AP2A2: variants seen among roughly 807,000 people sequenced by gnomAD.
AP2A2 encodes adaptor related protein complex 2 subunit alpha 2, also known as AP-2 complex subunit alpha-2.
A neutral mutation model predicts 104.2 loss-of-function variants in AP2A2; 32 were observed. The ratio of observed to expected loss-of-function variants is 0.31; its 90% CI spans 0.23 to 0.41. The LOEUF (loss-of-function observed/expected upper bound fraction) is 0.41, where lower values mean the gene tolerates loss of function less well. Among genes scored for constraint, AP2A2 ranks in the 10% least tolerant of loss-of-function variants. AP2A2 has a pLI of 1.00. For synonymous variants in AP2A2, 539 were observed against 533.3 expected (o/e 1.01, Z -0.15); for missense variants, 912 against 1,261.0 (o/e 0.72, Z 4.19).
rs115958464 is a variant in AP2A2, at chr11:1,000,364, C to T, written c.1957-68C>T. The T allele has an allele frequency of 4.5e-3, 6,673 of 1,491,330 alleles. 235 individuals carry two copies. The African/African-American group carries it at 0.078, about 17-fold the overall frequency. 92.4% of individuals were successfully genotyped at this position (1,491,330 alleles called of 1,614,324 possible). The stretch of plus-strand genomic sequence containing the variant: ...GGTGCCATGGGGGAGGACGTGCAGG[C>T]GTGAGCTGCCTGGGGTTGGCCAGGC... On this transcript the variant is annotated intron_variant, in intron 14 of 21. Coordinates refer to ENST00000448903, the MANE Select transcript of AP2A2 (RefSeq NM_012305.4).
At chr11:998,323 A>ATTCTGACCC (rs1855922655) in intron 14 of AP2A2, among the ~76,000 whole-genome samples, 3 of 77,148 alleles carry the variant, frequency 3.9e-5, no homozygotes, top group South Asian at 4.9e-4. Flanking sequence ...TCTGACTCTC[A>ATTCTGACCC]CCCGCCCCCA....
chr11:983,473 C>T (rs1259460801), intron 6 of AP2A2, among the ~76,000 whole-genome samples: 1 of 151,968 alleles, frequency 6.6e-6, no homozygotes, highest in Non-Finnish European at 1.5e-5. Flanking sequence ...AGCTCCGCCT[C>T]CTGGGTTCAC....
chr11:1,001,981 G>A (rs1488131707), intron 15 of AP2A2, among the ~76,000 whole-genome samples: 1 of 152,202 alleles, frequency 6.6e-6, no homozygotes, highest in East Asian at 1.9e-4. Flanking sequence ...GCCTCAGGGC[G>A]AGCCGGCTGT....
At chr11:1,006,050 G>T (rs188091365) in intron 16 of AP2A2, among the ~76,000 whole-genome samples, 2 of 152,262 alleles carry the variant, frequency 1.3e-5, no homozygotes, top group African/African-American at 4.8e-5. Flanking sequence ...TGCTGGACGC[G>T]TGCCCAGCCG....
At chr11:981,176 T>G (rs1470503178) in intron 5 of AP2A2, 22 bp from the exon 6 acceptor site, 14 of 1,591,826 alleles carry the variant, frequency 8.8e-6, no homozygotes, top group Admixed American at 1.7e-5. Flanking sequence ...GTTCTGACTC[T>G]TGTGTGTGTG....
intron 1 of AP2A2, among the ~76,000 whole-genome samples, chr11:948,089 T>C (rs1853913258): frequency 6.6e-6 from 1 of 152,192 alleles, no homozygotes; most frequent in Non-Finnish European, 1.5e-5. Context: ...ATCATTAACC[T>C]GTGTTTCACC....
At position 955,041 on chromosome 11, in the gene AP2A2, A is replaced by C. The variant is rs7113063; in HGVS notation, c.68-4396A>C. Reference sequence around the variant, plus strand: ...GATCTGAGCTCTGTTGATTCTGGACAACATAAGTTCCCCCTCAGAGTGGTT... The same window carrying C: ...GATCTGAGCTCTGTTGATTCTGGACCACATAAGTTCCCCCTCAGAGTGGTT... On this transcript the variant is annotated intron_variant, in intron 1 of 21. Transcript: ENST00000448903. Among the ~76,000 whole-genome samples the C allele has an allele frequency of 7.9e-3, 1,200 of 152,332 alleles. 24 individuals are homozygous for C. The highest frequency in any genetic ancestry group is 0.028 in the African/African-American group (1,146 of 41,556).
In AP2A2 at chr11:984,769, C is replaced by T. The variant is rs534815957; in HGVS notation, c.814+16C>T. On this transcript the variant is annotated intron_variant, in intron 7 of 21. Coordinates refer to ENST00000448903, the MANE Select transcript of AP2A2 (RefSeq NM_012305.4). ...CCACCCCCAGGTAACGCGCAGGCCG[C>T]GGCTCCTGAAGCTGCACCAGTGCCA... 1.5e-4 allele frequency: 232 copies of T among 1,574,302 alleles called. 3 individuals are homozygous for T. In the South Asian group the frequency reaches 2.2e-3, roughly 15 times the overall value.
chr11:1,009,013 C>G, intron 18 of AP2A2, 87 bp from the exon 19 acceptor site: 1 of 1,110,726 alleles, frequency 9.0e-7, no homozygotes, highest in South Asian at 1.4e-5. Flanking sequence ...TAGATCGGGA[C>G]GCTTCTCACT....
intron 14 of AP2A2, 81 bp downstream of exon 14, chr11:994,326 CAG>C: frequency 1.3e-6 from 2 of 1,540,708 alleles, no homozygotes; most frequent in Non-Finnish European, 1.8e-6. Context: ...ATTTGCCTGT[CAG>C]GGAGGAGCAT....
intron 3 of AP2A2, among the ~76,000 whole-genome samples, chr11:971,516 G>T (rs879816802): frequency 2.6e-5 from 4 of 152,116 alleles, no homozygotes; most frequent in Admixed American, 1.3e-4. Flanking sequence ...AGGTGGGGAG[G>T]GTGTCACCTT....
Position 985,577 on chromosome 11 carries a change from T to A in AP2A2, c.957T>A (p.His319Gln), listed in dbSNP as rs372182170. 6.2e-7 allele frequency: 1 copy of A among 1,613,850 alleles called. No individual in the cohort carries two copies. Among genetic ancestry groups the A allele is most frequent in the African/African-American group, 1.3e-5 (1 of 74,952 alleles). ...AGGCCATCAGCTTAATCATTCACCA[T>A]GACAGGTGTGTCGGCTGCCTGTGGA... Reference protein sequence around the residue: ...LFEAISLIIHHDSEPNLLVRA... With the variant: ...LFEAISLIIHQDSEPNLLVRA... The change falls in exon 8 of 22, where the codon CAT (histidine) becomes CAA (glutamine). Residue 319 changes from histidine to glutamine, a missense_variant. Around this residue, in one of 7 missense-constraint regions of AP2A2, gnomAD observed 350 missense variants for 487.0 expected, o/e 0.72. Coordinates refer to ENST00000448903, the MANE Select transcript of AP2A2 (RefSeq NM_012305.4).
intron 14 of AP2A2, chr11:995,525 G>A (rs1855822453): frequency 2.2e-6 from 1 of 444,856 alleles, no homozygotes; most frequent in Non-Finnish European, 4.5e-6. Context: ...TATCGGCAGG[G>A]CTTTGTGGGG....
rs112809975 is a variant in AP2A2 at position 1,010,678 on chromosome 11, C to T, written c.*53C>T. ...TGTCTTGTGTTGTCTTCGTCTGTGC[C>T]GTTTGTCTTCGTGGCCATCCTGCAG... On this transcript the variant is annotated 3_prime_UTR_variant, in exon 22 of 22. Coordinates refer to ENST00000448903, the MANE Select transcript of AP2A2 (RefSeq NM_012305.4). 1,747 of 1,459,402 alleles carry T rather than the reference C, an allele frequency of 1.2e-3. 6 individuals are homozygous for T. Among genetic ancestry groups the T allele is most frequent in the Non-Finnish European group, 1.5e-3 (1,598 of 1,061,956 alleles). 90.4% of individuals were successfully genotyped at this position (1,459,402 alleles called of 1,614,324 possible).
intron 6 of AP2A2, 55 bp from the exon 7 acceptor site, chr11:984,590 C>T (rs977638013): frequency 4.8e-6 from 7 of 1,445,984 alleles, no homozygotes; most frequent in Admixed American, 1.7e-5. Context: ...CTTTGGGTCC[C>T]CGCAGTAGGG....
In AP2A2 at chr11:971,094, C is replaced by T; in HGVS notation, c.279+783C>T. ...GTTTTGATAAGTATTGGTGTTTATTCAAGCATTTGTGGAGTGCCTGTGGTG... is the reference window on the plus strand; with the variant it reads ...GTTTTGATAAGTATTGGTGTTTATTTAAGCATTTGTGGAGTGCCTGTGGTG... On this transcript the variant is annotated intron_variant, in intron 3 of 21. Transcript: ENST00000448903. 1.3e-5 allele frequency among the ~76,000 whole-genome samples: 2 copies of T among 152,158 alleles called. 1 individual carries two copies. The highest frequency in any genetic ancestry group is 3.8e-4 in the East Asian group (2 of 5,198).
chr11:938,787 G>A (rs1021385758), intron 1 of AP2A2, among the ~76,000 whole-genome samples: 3 of 152,066 alleles, frequency 2.0e-5, no homozygotes, highest in African/African-American at 7.2e-5. Context: ...ATGTTTGTAT[G>A]TTTTTACAGA....
At chr11:985,935 C>T (rs2133710784) in intron 8 of AP2A2, among the ~76,000 whole-genome samples, 1 of 152,354 alleles carries the variant, frequency 6.6e-6, no homozygotes, top group Non-Finnish European at 1.5e-5. Flanking sequence ...GGATGTGGAG[C>T]CGCACTTGGT....
chr11:959,544 T>C (rs1183038864), intron 2 of AP2A2, 39 bp downstream of exon 2: 3 of 1,370,876 alleles, frequency 2.2e-6, no homozygotes, highest in Non-Finnish European at 2.0e-6. Context: ...TGTCCTGTTG[T>C]AAATTTTCTG....
Sources: gnomAD v4.1 joint callset for allele counts (sites outside exome capture counted in the v4.1 genomes callset) on GRCh38, gnomAD v4.1.1 for gene constraint, gnomAD v4.1.1 regional missense constraint, MANE v1.5 for transcripts, NCBI Gene and HGNC (gene_info 2026-07-23, HGNC 2026-07-21) for gene names.